Variants in DENND1A observed in about 807,000 individuals in gnomAD.
DENND1A encodes DENN domain-containing protein 1A.
In DENND1A, 51 loss-of-function variants were observed where a neutral mutation model predicts 113.7. The observed-to-expected ratio is 0.45, with a 90% CI of 0.36 to 0.57. The LOEUF is 0.57. Among genes scored for constraint, DENND1A ranks in the 20% least tolerant of loss-of-function variants. DENND1A has a pLI of 0.00. For synonymous variants in DENND1A, 565 were observed against 570.8 expected (o/e 0.99, Z 0.14); for missense variants, 1,258 against 1,395.9 (o/e 0.90, Z 1.57).
intron 21 of DENND1A, among the ~76,000 whole-genome samples, chr9:123,390,832 T>TA (rs2042803931): frequency 6.6e-6 from 1 of 152,228 alleles, no homozygotes; most frequent in African/African-American, 2.4e-5. Flanking sequence ...AGGGAGGCTC[T>TA]CCAGTCGCCC....
chr9:123,598,123 G>A (rs1023239036), intron 11 of DENND1A, among the ~76,000 whole-genome samples: 1 of 152,124 alleles, frequency 6.6e-6, no homozygotes, highest in Non-Finnish European at 1.5e-5. Context: ...GCCCCCTCCT[G>A]GGCATCTTCC....
At chr9:123,500,980 G>A (rs1239199900) in intron 13 of DENND1A, among the ~76,000 whole-genome samples, 2 of 152,120 alleles carry the variant, frequency 1.3e-5, no homozygotes, top group African/African-American at 4.8e-5. Context: ...TTAAGTGTAC[G>A]GTTAGTTCAG....
chr9:123,723,169 T>C (rs989045649), intron 5 of DENND1A, among the ~76,000 whole-genome samples: 11 of 152,260 alleles, frequency 7.2e-5, no homozygotes, highest in African/African-American at 1.2e-4. Context: ...CCCTGCTGGA[T>C]TGTAGACTTG....
Position 123,630,488 on chromosome 9 carries a change from C to A in DENND1A, c.619-12G>T. On this transcript the variant is annotated splice_polypyrimidine_tract_variant and intron_variant, in intron 9 of 23. Coordinates refer to ENST00000394215, the MANE Select transcript of DENND1A (RefSeq NM_001352964.2). ...ATGCAGGCAGTCAGCTGGAACAGAG[C>A]AAAGCAGAGATCAATGAACAAATCC... The A allele has an allele frequency of 6.5e-7, 1 of 1,545,726 alleles. No homozygotes were observed. Among genetic ancestry groups the A allele is most frequent in the Non-Finnish European group, 8.8e-7 (1 of 1,141,816 alleles).
rs574608402 is a variant in DENND1A, at chr9:123,852,975, G to C, written c.88+25976C>G. Among the ~76,000 whole-genome samples the C allele has an allele frequency of 4.0e-5, 6 of 151,652 alleles. No individual in the cohort carries two copies. In the East Asian group the frequency reaches 1.2e-3, roughly 30 times the overall value. On this transcript the variant is annotated intron_variant, in intron 2 of 23. Transcript: ENST00000394215. The stretch of plus-strand genomic sequence containing the variant: ...GCTCTGTCACCCAGGCTAGAATGCA[G>C]TGGCATAATCTTGGCTCACTGCAAC...
chr9:123,596,437 T>A (rs979710229), intron 11 of DENND1A, among the ~76,000 whole-genome samples: 1 of 152,242 alleles, frequency 6.6e-6, no homozygotes, highest in Non-Finnish European at 1.5e-5. Flanking sequence ...TGTATTATTT[T>A]AAAATATCCT....
At chr9:123,603,343 A>G (rs2060013286) in intron 11 of DENND1A, among the ~76,000 whole-genome samples, 1 of 152,162 alleles carries the variant, frequency 6.6e-6, no homozygotes, top group South Asian at 2.1e-4. Flanking sequence ...ATTTTGTGTA[A>G]AAGCTCCATA....
chr9:123,848,834 T>C (rs1293412719), intron 2 of DENND1A, among the ~76,000 whole-genome samples: 1 of 152,212 alleles, frequency 6.6e-6, no homozygotes, highest in Non-Finnish European at 1.5e-5. Flanking sequence ...ATGAAAGTTT[T>C]AGTGGTCTGG....
chr9:123,806,834 T>TAATA (rs1309101172), intron 2 of DENND1A, among the ~76,000 whole-genome samples: 5 of 151,958 alleles, frequency 3.3e-5, no homozygotes, highest in African/African-American at 1.2e-4. Context: ...ATAAAGGGAG[T>TAATA]AATACCCTTT....
chr9:123,402,312 G>A (rs1478688886), intron 21 of DENND1A, among the ~76,000 whole-genome samples: 1 of 152,218 alleles, frequency 6.6e-6, no homozygotes, highest in East Asian at 1.9e-4. Flanking sequence ...TCTGAGGGCT[G>A]TCTGGGTGGG....
chr9:123,383,444 C>G (rs1237428437), intron 23 of DENND1A, among the ~76,000 whole-genome samples: 4 of 152,198 alleles, frequency 2.6e-5, no homozygotes, highest in African/African-American at 9.6e-5. Flanking sequence ...TTCCATCGGG[C>G]TCTAGCATCT....
At chr9:123,565,463 G>A (rs987009233) in intron 12 of DENND1A, among the ~76,000 whole-genome samples, 1 of 152,214 alleles carries the variant, frequency 6.6e-6, no homozygotes, top group Non-Finnish European at 1.5e-5. Flanking sequence ...GGGTGTCACA[G>A]TTGGAGTTGA....
intron 5 of DENND1A, among the ~76,000 whole-genome samples, chr9:123,740,995 T>C (rs1341666046): frequency 6.6e-6 from 1 of 150,846 alleles, no homozygotes; most frequent in Non-Finnish European, 1.5e-5. Flanking sequence ...CAACTTTTAT[T>C]CATTCAATAA....
intron 18 of DENND1A, among the ~76,000 whole-genome samples, chr9:123,450,178 C>T (rs1588590871): frequency 2.0e-5 from 3 of 152,122 alleles, no homozygotes; most frequent in Non-Finnish European, 4.4e-5. Context: ...CTCAACAGCG[C>T]CCACTGGGTT....
intron 13 of DENND1A, among the ~76,000 whole-genome samples, chr9:123,480,673 TAA>T (rs977979519): frequency 6.6e-5 from 10 of 152,078 alleles, no homozygotes; most frequent in South Asian, 2.1e-4. Context: ...TCCTATTAAA[TAA>T]AAGTCACCTG....
At chr9:123,454,944 C>T (rs1263679394) in intron 15 of DENND1A, among the ~76,000 whole-genome samples, 165 bp from the exon 16 acceptor site, 1 of 151,112 alleles carries the variant, frequency 6.6e-6, no homozygotes, top group East Asian at 1.9e-4. Context: ...AATTCTCCTG[C>T]CTCAGTCTCC....
intron 2 of DENND1A, among the ~76,000 whole-genome samples, chr9:123,795,429 A>G (rs1833618371): frequency 6.6e-6 from 1 of 152,170 alleles, no homozygotes; most frequent in African/African-American, 2.4e-5. Context: ...TCCAAATACA[A>G]TCTGCTTTTC....
rs1262543156 is a variant in DENND1A, at chr9:123,471,464, T to C, written c.994-13567A>G. Among the ~76,000 whole-genome samples the C allele has an allele frequency of 2.0e-5, 3 of 152,152 alleles. No individual in the cohort carries two copies. In the East Asian group the frequency reaches 5.8e-4, roughly 29 times the overall value. On this transcript the variant is annotated intron_variant, in intron 13 of 23. Coordinates refer to ENST00000394215, the MANE Select transcript of DENND1A (RefSeq NM_001352964.2). The stretch of plus-strand genomic sequence containing the variant: ...CTGCCCAAAGCAGATGGCAAGTGAT[T>C]GTACTCAAGCAGCCCCATTTCAGTG...
At chr9:123,627,596 C>T (rs572571400) in intron 10 of DENND1A, among the ~76,000 whole-genome samples, 6 of 152,024 alleles carry the variant, frequency 3.9e-5, no homozygotes, top group East Asian at 1.9e-4. Flanking sequence ...AATAATTAGC[C>T]GAGTGTGATG....
Sources: allele counts gnomAD v4.1 joint callset (sites outside exome capture counted in the v4.1 genomes callset), GRCh38; gene constraint gnomAD v4.1.1; transcripts MANE v1.5; gene names NCBI Gene and HGNC (gene_info 2026-07-23, HGNC 2026-07-21).